The following SORBS2 variants were observed in gnomAD, a reference collection of about 807,000 sequenced individuals.
The protein encoded by SORBS2 is sorbin and SH3 domain-containing protein 2.
In SORBS2, 46 loss-of-function variants were observed where a neutral mutation model predicts 97.7. The observed-to-expected ratio is 0.47, with a 90% CI of 0.37 to 0.60. The LOEUF (loss-of-function observed/expected upper bound fraction) is 0.60, where lower values mean the gene tolerates loss of function less well. Ranked by LOEUF, SORBS2 falls within the 20% of genes least tolerant of loss-of-function variation. The probability of loss-of-function intolerance (pLI) is 0.00; values close to 1 mark genes in which losing one functional copy is unlikely to be tolerated. For synonymous variants in SORBS2, 476 were observed against 473.4 expected (o/e 1.01, Z -0.07); for missense variants, 1,316 against 1,282.3 (o/e 1.03, Z -0.40).
chr4:185,917,313 G>A (rs115322876), intron 1 of SORBS2, among the ~76,000 whole-genome samples: 5,280 of 152,214 alleles, frequency 0.035, 104 homozygotes, highest in Middle Eastern at 0.092. Flanking sequence ...TGTAACCTCC[G>A]CCTCCCGGGC....
At chr4:185,687,691 A>G (rs2097995384) in intron 2 of SORBS2, among the ~76,000 whole-genome samples, 1 of 152,170 alleles carries the variant, frequency 6.6e-6, no homozygotes, top group Admixed American at 6.5e-5. Context: ...TAGACAATTT[A>G]TGTATTTTAG....
chr4:185,731,458 C>G (rs958540255), intron 2 of SORBS2, among the ~76,000 whole-genome samples: 1 of 146,934 alleles, frequency 6.8e-6, no homozygotes, highest in Admixed American at 6.8e-5. Context: ...CCCTCCCTCC[C>G]TCCCTGCCTG....
At chr4:185,728,567 T>A (rs1217929588) in intron 2 of SORBS2, among the ~76,000 whole-genome samples, 4 of 152,216 alleles carry the variant, frequency 2.6e-5, no homozygotes, top group African/African-American at 9.7e-5. Flanking sequence ...TGTTTCTAAA[T>A]CTGGTTAACT....
At chr4:185,862,980 A>C (rs191787332) in intron 1 of SORBS2, among the ~76,000 whole-genome samples, 2 of 152,192 alleles carry the variant, frequency 1.3e-5, no homozygotes, top group Non-Finnish European at 2.9e-5. Flanking sequence ...TCTAGTGCCT[A>C]CCTCTATGCC....
rs1468813244 is a variant in SORBS2 at position 185,827,326 on chromosome 4, AT to A, written c.-337-51961del. Among the ~76,000 whole-genome samples, 34 of 10,076 alleles carry A rather than the reference AT, an allele frequency of 3.4e-3. 1 individual carries two copies. Among genetic ancestry groups the A allele is most frequent in the Non-Finnish European group, 5.9e-3 (23 of 3,874 alleles). The allele number at this position is 10,076 out of a possible 152,430, so 6.6% of individuals were successfully genotyped here. ...CACCATCATCACCATCATCACCATCATCATCATCATCATCATCATCATCATC... is the reference window on the plus strand; with the variant it reads ...CACCATCATCACCATCATCACCATCACATCATCATCATCATCATCATCATC... On this transcript the variant is annotated intron_variant, in intron 1 of 20. Transcript: ENST00000284776.
At position 185,649,495 on chromosome 4, in the gene SORBS2, G is replaced by A. The variant is rs2153458171; in HGVS notation, c.253C>T (p.Arg85Ter). 1.3e-6 allele frequency: 2 copies of A among 1,591,092 alleles called. No individual in the cohort carries two copies. Among genetic ancestry groups the A allele is most frequent in the Admixed American group, 1.7e-5 (1 of 57,222 alleles). ...TCTGTTGAAGACCGATCTCTTGGTC[G>A]AAGCGGCGGGACTGGAGGTGGAACA... Residue 85 changes from arginine (R) to a stop codon, truncating the protein, a stop_gained, in exon 3 of 15, where the codon CGA (arginine) becomes TGA (stop). Coordinates refer to ENST00000418609, the Ensembl canonical transcript of SORBS2. LOFTEE classifies it high-confidence loss of function.
chr4:185,644,281 A>G (rs925239317), intron 4 of SORBS2, among the ~76,000 whole-genome samples: 1 of 151,972 alleles, frequency 6.6e-6, no homozygotes, highest in African/African-American at 2.4e-5. Context: ...ACCTATCCAC[A>G]CTCGAATCTC....
chr4:185,835,009 G>A (rs1175649636), intron 1 of SORBS2, among the ~76,000 whole-genome samples: 1 of 152,184 alleles, frequency 6.6e-6, no homozygotes, highest in Non-Finnish European at 1.5e-5. Context: ...TGCTGTTCTC[G>A]TGAAAGTGAG....
chr4:185,922,501 T>C (rs1015765582), intron 1 of SORBS2, among the ~76,000 whole-genome samples: 1 of 152,222 alleles, frequency 6.6e-6, no homozygotes, highest in African/African-American at 2.4e-5. Context: ...CAGAAATGAA[T>C]CCTATTTCAG....
chr4:185,663,633 C>G (rs934692121), intron 4 of SORBS2, among the ~76,000 whole-genome samples: 2 of 152,118 alleles, frequency 1.3e-5, no homozygotes, highest in African/African-American at 4.8e-5. Flanking sequence ...CTTTCACCTC[C>G]TTGCCCAAGT....
chr4:185,633,767 T>A (rs2096946668), intron 4 of SORBS2, among the ~76,000 whole-genome samples: 1 of 150,974 alleles, frequency 6.6e-6, no homozygotes, highest in Admixed American at 6.6e-5. Context: ...TTGGACTTAT[T>A]TCTTAAAATT....
At chr4:185,785,131 CT>C (rs1309421105) in intron 1 of SORBS2, among the ~76,000 whole-genome samples, 1 of 150,550 alleles carries the variant, frequency 6.6e-6, no homozygotes, top group Non-Finnish European at 1.5e-5. Flanking sequence ...GTTTTTAAAT[CT>C]AAATTGAAGA....
intron 2 of SORBS2, among the ~76,000 whole-genome samples, chr4:185,742,841 G>A (rs2098735731): frequency 6.6e-6 from 1 of 152,218 alleles, no homozygotes; most frequent in Admixed American, 6.5e-5. Context: ...TGTGCTACTT[G>A]ATGTGGGATT....
At chr4:185,840,862 A>G (rs2099211069) in intron 1 of SORBS2, among the ~76,000 whole-genome samples, 2 of 152,142 alleles carry the variant, frequency 1.3e-5, no homozygotes. Flanking sequence ...ACTGACTCAT[A>G]TCATCAGAAC....
At chr4:185,937,208 G>A (rs934966834) in intron 1 of SORBS2, among the ~76,000 whole-genome samples, 5 of 151,584 alleles carry the variant, frequency 3.3e-5, no homozygotes, top group South Asian at 4.2e-4. Context: ...AGTGCTTCAC[G>A]AGAACTGGAG....
At chr4:185,608,645 T>C (rs1343733849) in intron 12 of SORBS2, among the ~76,000 whole-genome samples, 2 of 152,128 alleles carry the variant, frequency 1.3e-5, no homozygotes, top group African/African-American at 4.8e-5. Context: ...CCCATAAAAA[T>C]TAGAAATTAA....
At chr4:185,726,713 T>G (rs2098556711) in intron 2 of SORBS2, among the ~76,000 whole-genome samples, 2 of 151,930 alleles carry the variant, frequency 1.3e-5, no homozygotes, top group African/African-American at 2.4e-5. Flanking sequence ...GATGTTCTTT[T>G]CTTACACGGT....
At chr4:185,869,504 C>T (rs1300134808) in intron 1 of SORBS2, among the ~76,000 whole-genome samples, 1 of 152,240 alleles carries the variant, frequency 6.6e-6, no homozygotes, top group Admixed American at 6.5e-5. Context: ...ATGGCTGCTG[C>T]ACCCTCAGCT....
At chr4:185,664,441 T>A (rs1271362685) in intron 4 of SORBS2, among the ~76,000 whole-genome samples, 12 of 152,202 alleles carry the variant, frequency 7.9e-5, no homozygotes. Context: ...ACTGCCTTCT[T>A]TTTTTGGTTA....
Sources: gnomAD v4.1 joint callset for allele counts (sites outside exome capture counted in the v4.1 genomes callset) on GRCh38, gnomAD v4.1.1 for gene constraint, MANE v1.5 for transcripts, NCBI Gene and HGNC (gene_info 2026-07-23, HGNC 2026-07-21) for gene names.